Variants in TDRD5 observed in about 807,000 individuals in gnomAD.
TDRD5 encodes tudor domain containing 5, also known as tudor domain-containing protein 5.
Under a neutral mutation model 120.6 loss-of-function variants are expected in TDRD5, and 41 were observed. The ratio of observed to expected loss-of-function variants is 0.34; its 90% confidence interval spans 0.26 to 0.44. The LOEUF is 0.44. Ranked by LOEUF, TDRD5 falls within the 20% of genes least tolerant of loss-of-function variation. TDRD5 has a pLI of 1.00. For missense variants in TDRD5, 1,006 were observed against 1,221.2 expected, an observed-to-expected ratio of 0.82 and a Z score of 2.63; for synonymous variants, 430 against 433.7, an observed-to-expected ratio of 0.99 and a Z score of 0.11.
intron 17 of TDRD5, among the ~76,000 whole-genome samples, chr1:179,669,785 A>G (rs1016809812): frequency 5.3e-5 from 8 of 152,190 alleles, no homozygotes; most frequent in African/African-American, 9.6e-5. Flanking sequence ...CCCATTGCCT[A>G]CTTGCCTCTG....
chr1:179,635,565 G>T, intron 8 of TDRD5, 102 bp from the exon 9 acceptor site: 4 of 1,081,382 alleles, frequency 3.7e-6, no homozygotes, highest in Non-Finnish European at 5.2e-6. Flanking sequence ...AATTTCCCAA[G>T]TGATTCTGAT....
intron 4 of TDRD5, among the ~76,000 whole-genome samples, chr1:179,617,607 A>G (rs559653317): frequency 1.3e-4 from 20 of 152,088 alleles, no homozygotes; most frequent in Admixed American, 4.6e-4. Context: ...ATTTTTCTTT[A>G]TATCTTTGTG....
chr1:179,625,056 T>C (rs1439335708), intron 6 of TDRD5, among the ~76,000 whole-genome samples: 2 of 151,302 alleles, frequency 1.3e-5, no homozygotes, highest in Non-Finnish European at 2.9e-5. Context: ...GAAAGATTAC[T>C]TAAAGCCAGG....
chr1:179,608,264 CT>C (rs1194764528), intron 4 of TDRD5, among the ~76,000 whole-genome samples: 1 of 136,126 alleles, frequency 7.3e-6, no homozygotes, highest in Non-Finnish European at 1.7e-5. Context: ...TTGTACTTTT[CT>C]TTATTTTTTT....
chr1:179,635,953 C>A lies in TDRD5; in HGVS notation c.1520+66C>A, dbSNP rs1014995680. 3.4e-6 allele frequency: 5 copies of A among 1,457,910 alleles called. No individual in the cohort carries two copies. The African/African-American group carries it at 7.0e-5, about 20-fold the overall frequency. The allele number at this position is 1,457,910 out of a possible 1,614,324, so 90.3% of individuals were successfully genotyped here. ...TTAAATCAACAGTTCTCAAACATTT[C>A]GGTTTCAGGACTCTTAAAAATTAAA... is the stretch of plus-strand genomic sequence containing the variant. On this transcript the variant is annotated intron_variant, in intron 9 of 17. Transcript: ENST00000444136.
At chr1:179,619,494 AT>A (rs1251835440) in intron 5 of TDRD5, among the ~76,000 whole-genome samples, 3 of 152,088 alleles carry the variant, frequency 2.0e-5, no homozygotes, top group African/African-American at 7.2e-5. Flanking sequence ...ACTGCCTTAT[AT>A]TATTCCATTT....
At position 179,649,743 on chromosome 1, in the gene TDRD5, C is replaced by T. The variant is rs188320513; in HGVS notation, c.1801-1124C>T. The stretch of plus-strand genomic sequence containing the variant: ...ATATTGTTTCTGTTCTTTTTTGATT[C>T]ATTGTTTCTTTGTATATTTTTTATC... On this transcript the variant is annotated intron_variant, in intron 11 of 17. Coordinates refer to ENST00000444136, the MANE Select transcript of TDRD5 (RefSeq NM_001199085.3). Among the ~76,000 whole-genome samples, 88 of 151,936 alleles carry T rather than the reference C, an allele frequency of 5.8e-4. 1 individual carries two copies. Among genetic ancestry groups the T allele is most frequent in the Admixed American group, 3.0e-3 (46 of 15,272 alleles).
At chr1:179,682,967 G>A (rs1323954458) in intron 17 of TDRD5, among the ~76,000 whole-genome samples, 1 of 152,130 alleles carries the variant, frequency 6.6e-6, no homozygotes, top group Non-Finnish European at 1.5e-5. Context: ...GGAGTCAGAT[G>A]ACTACTCATT....
Position 179,634,648 on chromosome 1 carries a change from CTG to C in TDRD5, c.1299+22_1299+23del, listed in dbSNP as rs761508503. On this transcript the variant is annotated intron_variant, in intron 8 of 17. Coordinates refer to ENST00000444136, the MANE Select transcript of TDRD5 (RefSeq NM_001199085.3). ...ACAGCTGGTGAGTGAGGTTTAAAGA[CTG>C]TGCACTGGAGATTCAGCATTATGGA... 14 of 1,591,984 alleles carry C rather than the reference CTG, an allele frequency of 8.8e-6. No homozygotes were observed. Among genetic ancestry groups the C allele is most frequent in the South Asian group, 8.1e-5 (7 of 86,450 alleles).
chr1:179,616,721 C>G (rs1172732092), intron 4 of TDRD5, among the ~76,000 whole-genome samples: 1 of 152,072 alleles, frequency 6.6e-6, no homozygotes, highest in Non-Finnish European at 1.5e-5. Context: ...TTCCTTCTAC[C>G]TTCAATGTTC....
intron 7 of TDRD5, among the ~76,000 whole-genome samples, chr1:179,633,735 C>G (rs1400987081): frequency 2.6e-5 from 4 of 152,040 alleles, no homozygotes; most frequent in South Asian, 2.1e-4. Flanking sequence ...TGAAAATTTC[C>G]TAAGAATTAA....
rs778882315 is a variant in TDRD5, at chr1:179,593,581, T to G, written c.354T>G (p.His118Gln). ...GTATTTATTCTGGACCGAGATCTCA[T>G]CGGCGAGTACCTTACCGAGGAAGGG... ...RPSIYSGPRS[H>Q]RRVPYRGRVA... Residue 118 changes from histidine to glutamine, a missense_variant, in exon 3 of 18, where the codon CAT (histidine) becomes CAG (glutamine). This residue lies in a region of TDRD5 where 445 missense variants were observed against 515.5 expected (regional missense o/e 0.86). Transcript: ENST00000444136. 1.9e-6 allele frequency: 3 copies of G among 1,614,078 alleles called. No individual in the cohort carries two copies. The highest frequency in any genetic ancestry group is 1.3e-5 in the African/African-American group (1 of 74,928).
At chr1:179,646,523 A>T (rs1424925600) in intron 11 of TDRD5, among the ~76,000 whole-genome samples, 5 of 148,848 alleles carry the variant, frequency 3.4e-5, no homozygotes, top group African/African-American at 1.2e-4. Context: ...AACTGGAAGC[A>T]TTCCCTTTGA....
rs1365098699 is a variant in TDRD5, at chr1:179,624,675, GT to G, written c.972+3587del. ...ATATCGTCAAATTACTTGGAAATAA[GT>G]TTAACAAAAGAAACATAAATCATGT... On this transcript the variant is annotated intron_variant, in intron 6 of 17. Coordinates refer to ENST00000444136, the MANE Select transcript of TDRD5 (RefSeq NM_001199085.3). 1.1e-4 allele frequency among the ~76,000 whole-genome samples: 16 copies of G among 152,196 alleles called. 1 individual carries two copies. In the East Asian group the frequency reaches 3.1e-3, roughly 29 times the overall value.
At chr1:179,627,421 G>T (rs1255211188) in intron 6 of TDRD5, among the ~76,000 whole-genome samples, 1 of 152,164 alleles carries the variant, frequency 6.6e-6, no homozygotes, top group Non-Finnish European at 1.5e-5. Context: ...ACACAAAATA[G>T]TGGAAGAAGA....
chr1:179,689,289 C>T (rs906816456), intron 17 of TDRD5, among the ~76,000 whole-genome samples: 4 of 152,228 alleles, frequency 2.6e-5, no homozygotes, highest in Non-Finnish European at 4.4e-5. Flanking sequence ...CCCTCAGCTG[C>T]AGGTCTGTTG....
intron 11 of TDRD5, among the ~76,000 whole-genome samples, chr1:179,647,825 AG>A (rs1678471484): frequency 6.9e-6 from 1 of 145,434 alleles, no homozygotes; most frequent in Non-Finnish European, 1.5e-5. Context: ...ACATTTATGC[AG>A]CCAAAAAACA....
intron 17 of TDRD5, among the ~76,000 whole-genome samples, chr1:179,678,775 C>T (rs1313179209): frequency 6.6e-6 from 1 of 151,932 alleles, no homozygotes; most frequent in Non-Finnish European, 1.5e-5. Flanking sequence ...CTCATTTGTT[C>T]TAATAGCTCT....
chr1:179,670,602 C>A (rs1000065994), intron 17 of TDRD5, among the ~76,000 whole-genome samples: 2 of 152,146 alleles, frequency 1.3e-5, no homozygotes, highest in African/African-American at 2.4e-5. Context: ...TTTTGCCAGT[C>A]TGTTGGGTAT....
Sources: gnomAD v4.1 joint callset for allele counts (sites outside exome capture counted in the v4.1 genomes callset) on GRCh38, gnomAD v4.1.1 for gene constraint, gnomAD v4.1.1 regional missense constraint, MANE v1.5 for transcripts, NCBI Gene and HGNC (gene_info 2026-07-23, HGNC 2026-07-21) for gene names.